The following ATP8A2 variants were observed in gnomAD, a reference collection of about 807,000 sequenced individuals.
ATP8A2 encodes the protein phospholipid-transporting ATPase IB.
A neutral mutation model predicts 165.6 loss-of-function variants in ATP8A2; 100 were observed. That is an observed-to-expected ratio of 0.60 (90% CI 0.51 to 0.71). ATP8A2 has a LOEUF of 0.71. Ranked by LOEUF, ATP8A2 falls within the 30% of genes least tolerant of loss-of-function variation. ATP8A2 has a pLI of 0.00. For missense variants in ATP8A2, 1,227 were observed against 1,479.5 expected, an observed-to-expected ratio of 0.83 and a Z score of 2.80; for synonymous variants, 543 against 548.8, an observed-to-expected ratio of 0.99 and a Z score of 0.15.
At chr13:25,582,254 A>C (rs1045105647) in intron 23 of ATP8A2, among the ~76,000 whole-genome samples, 19 of 152,240 alleles carry the variant, frequency 1.2e-4, no homozygotes, top group African/African-American at 4.6e-4. Context: ...TTTTAGTCTG[A>C]GACTAAGAGA....
At chr13:25,910,197 A>G (rs1028929192) in intron 33 of ATP8A2, among the ~76,000 whole-genome samples, 2 of 152,074 alleles carry the variant, frequency 1.3e-5, no homozygotes, top group African/African-American at 4.8e-5. Context: ...AATATTAAAT[A>G]TTTTTCCAAA....
rs897763684 is a variant in ATP8A2, at chr13:25,425,322, C to T, written c.77-43655C>T. On this transcript the variant is annotated intron_variant, in intron 1 of 36. Transcript: ENST00000381655. Reference sequence around the variant, plus strand: ...GCTCCTATTTTTAATGCTAGAAGCTCCCCCCAGCACCCCCCAATGCCTGAA... The same window carrying T: ...GCTCCTATTTTTAATGCTAGAAGCTTCCCCCAGCACCCCCCAATGCCTGAA... Among the ~76,000 whole-genome samples the T allele has an allele frequency of 6.6e-5, 10 of 152,044 alleles. No homozygotes were observed. In the East Asian group the frequency reaches 1.9e-3, roughly 29 times the overall value.
chr13:25,812,278 C>G (rs1019559535), intron 27 of ATP8A2, among the ~76,000 whole-genome samples: 1 of 150,636 alleles, frequency 6.6e-6, no homozygotes, highest in African/African-American at 2.4e-5. Flanking sequence ...CTCTTGTCCC[C>G]CTTCCCCTTC....
intron 1 of ATP8A2, among the ~76,000 whole-genome samples, chr13:25,461,845 G>GAAA (rs1484625671): frequency 1.9e-5 from 2 of 104,006 alleles, no homozygotes; most frequent in Non-Finnish European, 4.3e-5. Context: ...AGAAGAAGGA[G>GAAA]AAGAAGAAGG....
At position 25,577,046 on chromosome 13, in the gene ATP8A2, CTTT is replaced by C; in HGVS notation, c.1713-14_1713-12del. ...CATCCTGTAAACAGACCAATGATGA[CTTT>C]TTTTTTTTCACTCTCCCAGTGACAG... On this transcript the variant is annotated intron_variant, in intron 19 of 36. Transcript: ENST00000381655. 1 of 1,225,174 alleles carries C rather than the reference CTTT, an allele frequency of 8.2e-7. No individual in the cohort carries two copies. The highest frequency in any genetic ancestry group is 1.1e-6 in the Non-Finnish European group (1 of 884,616). 75.9% of individuals were successfully genotyped at this position (1,225,174 alleles called of 1,614,324 possible). A position where few individuals can be genotyped will look rare whatever the true frequency, so the allele number is the denominator to read the frequency against.
At chr13:25,906,499 C>T (rs1250818084) in intron 33 of ATP8A2, among the ~76,000 whole-genome samples, 5 of 152,072 alleles carry the variant, frequency 3.3e-5, no homozygotes, top group South Asian at 4.2e-4. Flanking sequence ...GCCTGAGCAG[C>T]GGTGGGGTCT....
At chr13:25,907,654 A>T (rs979118286) in intron 33 of ATP8A2, among the ~76,000 whole-genome samples, 1 of 152,096 alleles carries the variant, frequency 6.6e-6, no homozygotes, top group South Asian at 2.1e-4. Context: ...ACAAACAAAC[A>T]CTCAAAAGCC....
At chr13:25,811,959 T>C (rs1950883946) in intron 27 of ATP8A2, among the ~76,000 whole-genome samples, 1 of 152,186 alleles carries the variant, frequency 6.6e-6, no homozygotes, top group African/African-American at 2.4e-5. Flanking sequence ...TTAGACATTA[T>C]CTTTTGACTT....
chr13:25,832,033 G>A lies in ATP8A2; in HGVS notation c.2754+3841G>A, dbSNP rs573022789. On this transcript the variant is annotated intron_variant, in intron 28 of 36. Transcript: ENST00000381655. ...TGGCTCACTGCAACCTCTGCCTCCC[G>A]GGTTCAAGCAATTCTCCTGCCTCAG... 2.2e-4 allele frequency among the ~76,000 whole-genome samples: 34 copies of A among 151,702 alleles called. 1 individual carries two copies. In the South Asian group the frequency reaches 3.3e-3, roughly 15 times the overall value.
chr13:25,506,146 C>T (rs7327518), intron 2 of ATP8A2, among the ~76,000 whole-genome samples: 43,394 of 152,104 alleles, frequency 0.29, 7,075 homozygotes, highest in Middle Eastern at 0.41. Context: ...TATATTTCTC[C>T]TAGATAATAC....
intron 26 of ATP8A2, among the ~76,000 whole-genome samples, chr13:25,773,769 T>C (rs1368971193): frequency 6.6e-6 from 1 of 152,194 alleles, no homozygotes; most frequent in Non-Finnish European, 1.5e-5. Context: ...TGTGTATGTG[T>C]GTCTCTGTGT....
chr13:25,681,391 C>T lies in ATP8A2; in HGVS notation c.2212-17782C>T, dbSNP rs1164532451. ...TATTGAGTGTAGAATTAAATGTTTGCGTACCCCATAGTGTTTACTTTAATT... is the reference window on the plus strand; with the variant it reads ...TATTGAGTGTAGAATTAAATGTTTGTGTACCCCATAGTGTTTACTTTAATT... On this transcript the variant is annotated intron_variant, in intron 24 of 36. Transcript: ENST00000381655. Among the ~76,000 whole-genome samples the T allele has an allele frequency of 3.3e-5, 5 of 152,150 alleles. No individual in the cohort carries two copies. In the East Asian group the frequency reaches 9.6e-4, roughly 29 times the overall value.
Position 25,784,897 on chromosome 13 carries a change from C to T in ATP8A2, c.2679+9938C>T, listed in dbSNP as rs147539808. On this transcript the variant is annotated intron_variant, in intron 27 of 36. Transcript: ENST00000381655. ...TCTCCTGCCTCAGCCTCCTGAGTGG[C>T]TGGGATTACAGGTGCATGCCACCAC... Among the ~76,000 whole-genome samples, 912 of 151,942 alleles carry T rather than the reference C, an allele frequency of 6.0e-3. 9 individuals carry two copies. Among genetic ancestry groups the T allele is most frequent in the African/African-American group, 0.021 (870 of 41,464 alleles).
chr13:25,508,452 C>T lies in ATP8A2; in HGVS notation c.222-21547C>T, dbSNP rs567137356. Among the ~76,000 whole-genome samples, 9 of 152,188 alleles carry T rather than the reference C, an allele frequency of 5.9e-5. No individual in the cohort carries two copies. The East Asian group carries it at 1.7e-3, about 29-fold the overall frequency. The stretch of plus-strand genomic sequence containing the variant: ...GTAAATGCTCATCATAGAAGAATGG[C>T]TGAATAAATTATGGAAAATTATATC... On this transcript the variant is annotated intron_variant, in intron 2 of 36. Transcript: ENST00000381655.
intron 33 of ATP8A2, among the ~76,000 whole-genome samples, chr13:25,922,595 C>A (rs1021656512): frequency 1.3e-4 from 20 of 152,210 alleles, no homozygotes; most frequent in Middle Eastern, 3.2e-3. Flanking sequence ...CCACCAAGTG[C>A]TCAGAGGTTA....
chr13:25,649,620 C>A (rs1044956945), intron 24 of ATP8A2, among the ~76,000 whole-genome samples: 1 of 152,106 alleles, frequency 6.6e-6, no homozygotes, highest in African/African-American at 2.4e-5. Flanking sequence ...GTCTCCCTGC[C>A]TGGGTAGGGT....
intron 25 of ATP8A2, among the ~76,000 whole-genome samples, chr13:25,711,404 G>A (rs570687107): frequency 1.3e-5 from 2 of 152,244 alleles, no homozygotes; most frequent in South Asian, 2.1e-4. Flanking sequence ...AGTATTTTGA[G>A]CAGAGTAGCA....
At position 25,609,882 on chromosome 13, in the gene ATP8A2, AT is replaced by A. The variant is rs573628494; in HGVS notation, c.2211+20189del. On this transcript the variant is annotated intron_variant, in intron 24 of 36. Transcript: ENST00000381655. ...TCTCTGATCATTAGTGATGTTGAGC[AT>A]TTTTTCATGTTTGTTGGCCATTTGT... 1.6e-4 allele frequency among the ~76,000 whole-genome samples: 24 copies of A among 150,730 alleles called. No individual in the cohort carries two copies. The South Asian group carries it at 4.8e-3, about 30-fold the overall frequency.
chr13:25,999,371 CCT>C (rs749628599), intron 35 of ATP8A2, among the ~76,000 whole-genome samples: 15 of 152,110 alleles, frequency 9.9e-5, no homozygotes, highest in Non-Finnish European at 1.9e-4. Flanking sequence ...TCTCTGGTCC[CCT>C]GTCTTCTGAA....
Sources: allele counts gnomAD v4.1 joint callset (sites outside exome capture counted in the v4.1 genomes callset), GRCh38; gene constraint gnomAD v4.1.1; transcripts MANE v1.5; gene names NCBI Gene and HGNC (gene_info 2026-07-23, HGNC 2026-07-21).